Variants in C2orf80 observed in about 807,000 individuals in gnomAD.
The protein encoded by C2orf80 is chromosome 2 open reading frame 80, also known as uncharacterized protein C2orf80.
A neutral mutation model predicts 30.2 loss-of-function variants in C2orf80; 28 were observed. That is an observed-to-expected ratio of 0.93 (90% confidence interval 0.69 to 1.27). C2orf80 has a LOEUF of 1.27. Ranked by LOEUF, C2orf80 falls within the 50% of genes most tolerant of loss-of-function variation. C2orf80 has a pLI of 0.00. For missense variants in C2orf80, 220 were observed against 231.0 expected (o/e 0.95, Z 0.31); for synonymous variants, 80 against 76.4 (o/e 1.05, Z -0.24).
In C2orf80 at chr2:208,170,986, T is replaced by C; in HGVS notation, c.532A>G (p.Lys178Glu). ...SAKEANATEW[K>E]SSQRFSDTQP... ...GTGTCTGAAAACCTTTGTGATGATT[T>C]CCATTCTGTGGCATTTGCTTCCTTT... The change falls in exon 8 of 9, where the codon AAA becomes GAA. Residue 178 changes from lysine to glutamate, a missense_variant. By Grantham distance (56) the Lys-to-Glu change is moderately conservative. Transcript: ENST00000341287. 6.2e-7 allele frequency: 1 copy of C among 1,614,174 alleles called. No homozygotes were observed. Among genetic ancestry groups the C allele is most frequent in the Non-Finnish European group, 8.5e-7 (1 of 1,180,002 alleles).
chr2:208,190,027 G>C lies in C2orf80; in HGVS notation c.-150C>G, dbSNP rs1461759662. On this transcript the variant is annotated 5_prime_UTR_variant, in exon 1 of 9. Coordinates refer to ENST00000341287, the MANE Select transcript of C2orf80 (RefSeq NM_001099334.3). ...CATGCTGAAGCATCCGCGCATCTCA[G>C]ACTGGTGCTCACAGACATCAGGAAC... The C allele has an allele frequency of 1.4e-6, 1 of 702,604 alleles. No individual in the cohort carries two copies. Among genetic ancestry groups the C allele is most frequent in the Admixed American group, 2.0e-5 (1 of 49,918 alleles). The allele number at this position is 702,604 out of a possible 1,614,324, so 43.5% of individuals were successfully genotyped here.
chr2:208,179,680 T>C (rs182264893), intron 6 of C2orf80, among the ~76,000 whole-genome samples: 1 of 147,816 alleles, frequency 6.8e-6, no homozygotes, highest in Admixed American at 7.0e-5. Flanking sequence ...ATGGAAGTGG[T>C]CTTAAAAATT....
rs187265334 is a variant in C2orf80 at position 208,188,254 on chromosome 2, T to C, written c.-75-1193A>G. Among the ~76,000 whole-genome samples the C allele has an allele frequency of 4.6e-3, 693 of 152,250 alleles. 7 individuals carry two copies. Among genetic ancestry groups the C allele is most frequent in the African/African-American group, 0.015 (641 of 41,554 alleles). On this transcript the variant is annotated intron_variant, in intron 1 of 8. Coordinates refer to ENST00000341287, the MANE Select transcript of C2orf80 (RefSeq NM_001099334.3). ...TGTTCATTATACTACCCTTTGTACT[T>C]TTAAAATTGTACGTATATTTAAATC...
At chr2:208,171,182 GTCAC>G in intron 7 of C2orf80, 119 bp from the exon 8 acceptor site, 1 of 724,446 alleles carries the variant, frequency 1.4e-6, no homozygotes, top group Non-Finnish European at 2.3e-6. Flanking sequence ...GTCTCACTTT[GTCAC>G]TCAGGCTGGA....
chr2:208,177,202 T>G (rs2105903467), intron 6 of C2orf80, among the ~76,000 whole-genome samples: 1 of 147,430 alleles, frequency 6.8e-6, no homozygotes, highest in South Asian at 2.1e-4. Flanking sequence ...TATTATATAT[T>G]ATAATATATA....
intron 3 of C2orf80, among the ~76,000 whole-genome samples, chr2:208,184,426 G>A (rs1042011869): frequency 6.6e-6 from 1 of 152,036 alleles, no homozygotes; most frequent in Non-Finnish European, 1.5e-5. Flanking sequence ...ATTAGTGTAA[G>A]GATAGTAAAT....
chr2:208,168,592 C>T (rs62194832), intron 8 of C2orf80: 11,408 of 144,814 alleles, frequency 0.079, 522 homozygotes, highest in South Asian at 0.17. Flanking sequence ...ACCCGGGAGG[C>T]GGAGCTTGCA....
chr2:208,167,851 T>C lies in C2orf80; in HGVS notation c.574-2036A>G, dbSNP rs553635470. On this transcript the variant is annotated intron_variant, in intron 8 of 8. Transcript: ENST00000341287. ...TTGGCCTCCCAAAGTGCTGGAATTA[T>C]AGGCATGAGCCATCGTGCCTGGCTG... is the stretch of plus-strand genomic sequence containing the variant. 3.5e-4 allele frequency among the ~76,000 whole-genome samples: 52 copies of C among 150,588 alleles called. 1 individual carries two copies. The East Asian group carries it at 9.6e-3, about 28-fold the overall frequency.
chr2:208,180,962 G>A (rs1272829857), intron 5 of C2orf80, 146 bp from the exon 6 acceptor site: 2 of 708,860 alleles, frequency 2.8e-6, no homozygotes, highest in Non-Finnish European at 4.7e-6. Flanking sequence ...TCTGATCAAT[G>A]GATAAATCAG....
chr2:208,184,082 G>A (rs1696642758), intron 3 of C2orf80, among the ~76,000 whole-genome samples: 1 of 152,224 alleles, frequency 6.6e-6, no homozygotes, highest in Non-Finnish European at 1.5e-5. Flanking sequence ...CAGGAAGAAT[G>A]GGACCATGAC....
intron 6 of C2orf80, among the ~76,000 whole-genome samples, chr2:208,177,026 CAG>C (rs1312226268): frequency 1.7e-5 from 1 of 59,812 alleles, no homozygotes; most frequent in African/African-American, 5.5e-5. Flanking sequence ...TACATATATA[CAG>C]ATATAGTACA....
Position 208,182,822 on chromosome 2 carries a change from T to C in C2orf80, c.206+143A>G, listed in dbSNP as rs1040737971. ...TTGGCAACTGTTCAGGTTCCTCAGG[T>C]GTCTCGTTGAAGAGGGATATTCACC... is the stretch of plus-strand genomic sequence containing the variant. On this transcript the variant is annotated intron_variant, in intron 4 of 8. Coordinates refer to ENST00000341287, the MANE Select transcript of C2orf80 (RefSeq NM_001099334.3). The C allele has an allele frequency of 1.2e-5, 9 of 724,794 alleles. No homozygotes were observed. The African/African-American group carries it at 1.6e-4, about 13-fold the overall frequency. 44.9% of individuals were successfully genotyped at this position (724,794 alleles called of 1,614,324 possible). A position where few individuals can be genotyped will look rare whatever the true frequency, so the allele number is the denominator to read the frequency against.
At chr2:208,180,045 G>T (rs1696504272) in intron 6 of C2orf80, among the ~76,000 whole-genome samples, 1 of 152,112 alleles carries the variant, frequency 6.6e-6, no homozygotes, top group African/African-American at 2.4e-5. Flanking sequence ...ATGAGAATGA[G>T]CCTTGTGGAT....
chr2:208,176,380 T>C (rs1030780701), intron 6 of C2orf80, among the ~76,000 whole-genome samples: 1 of 152,214 alleles, frequency 6.6e-6, no homozygotes, highest in African/African-American at 2.4e-5. Context: ...TTCACCATGT[T>C]GGCCAGGCTG....
rs1292451073 is a variant in C2orf80, at chr2:208,184,910, T to C, written c.123+41A>G. 4 of 1,502,676 alleles carry C rather than the reference T, an allele frequency of 2.7e-6. No homozygotes were observed. In the East Asian group the frequency reaches 9.0e-5, roughly 34 times the overall value. The allele number at this position is 1,502,676 out of a possible 1,614,324, so 93.1% of individuals were successfully genotyped here. ...CCTTTTTCTGTCTCTTTAATACACA[T>C]ATAACACAAATATGACTCGCATCAG... On this transcript the variant is annotated intron_variant, in intron 3 of 8. Coordinates refer to ENST00000341287, the MANE Select transcript of C2orf80 (RefSeq NM_001099334.3).
At position 208,165,888 on chromosome 2, in the gene C2orf80, T is replaced by C. The variant is rs866872196; in HGVS notation, c.574-73A>G. ...GGACACAGACATTACTTTAAGTCTA[T>C]AGGAAGTTAAGGTCAAATATCAGAT... On this transcript the variant is annotated intron_variant, in intron 8 of 8. Transcript: ENST00000341287. The C allele has an allele frequency of 9.4e-6, 10 of 1,059,426 alleles. 1 individual carries two copies. The Middle Eastern group carries it at 1.1e-3, about 120-fold the overall frequency. 65.6% of individuals were successfully genotyped at this position (1,059,426 alleles called of 1,614,324 possible).
intron 6 of C2orf80, among the ~76,000 whole-genome samples, chr2:208,175,383 CTA>C (rs763109594): frequency 3.9e-5 from 6 of 152,078 alleles, no homozygotes; most frequent in East Asian, 1.9e-4. Flanking sequence ...TGAATTTTTT[CTA>C]TGAGTCCAGA....
chr2:208,181,727 G>A (rs1037497643), intron 4 of C2orf80, among the ~76,000 whole-genome samples: 16 of 151,966 alleles, frequency 1.1e-4, no homozygotes, highest in African/African-American at 2.9e-4. Flanking sequence ...AGCTGTCAGC[G>A]TATTCCACCT....
chr2:208,174,988 G>A (rs1696235669), intron 6 of C2orf80, among the ~76,000 whole-genome samples: 1 of 152,060 alleles, frequency 6.6e-6, no homozygotes, highest in African/African-American at 2.4e-5. Flanking sequence ...GGTTAAAATC[G>A]AATAAGACAT....
Sources: gnomAD v4.1 joint callset for allele counts (sites outside exome capture counted in the v4.1 genomes callset) on GRCh38, gnomAD v4.1.1 for gene constraint, MANE v1.5 for transcripts, NCBI Gene and HGNC (gene_info 2026-07-23, HGNC 2026-07-21) for gene names.